The following CADM2 variants were observed in gnomAD, a reference collection of about 807,000 sequenced individuals.
CADM2 encodes cell adhesion molecule 2, also known as immunoglobulin superfamily member 4D.
In CADM2, 12 loss-of-function variants were observed where a neutral mutation model predicts 49.8. That is an observed-to-expected ratio of 0.24 (90% CI 0.15 to 0.39). The LOEUF (loss-of-function observed/expected upper bound fraction) is 0.39. Ranked by LOEUF, CADM2 falls within the 10% of genes least tolerant of loss-of-function variation. The pLI, the probability that CADM2 is intolerant of heterozygous loss-of-function variation, is 1.00. For synonymous variants in CADM2, 214 were observed against 175.4 expected (o/e 1.22, Z -1.74); for missense variants, 378 against 492.3 (o/e 0.77, Z 2.20).
chr3:85,993,241 G>A (rs1729000818), intron 8 of CADM2: 1 of 152,124 alleles, frequency 6.6e-6, no homozygotes, highest in Non-Finnish European at 1.5e-5. Context: ...TCTTCACCAG[G>A]AGTAGATTTC....
chr3:85,612,312 C>T (rs1368638950), intron 1 of CADM2, among the ~76,000 whole-genome samples: 1 of 151,854 alleles, frequency 6.6e-6, no homozygotes, highest in Non-Finnish European at 1.5e-5. Context: ...AATGTTCTTT[C>T]CACAGATTTC....
chr3:86,035,391 T>C (rs1408570837), intron 8 of CADM2, among the ~76,000 whole-genome samples: 2 of 152,080 alleles, frequency 1.3e-5, no homozygotes, highest in East Asian at 3.9e-4. Flanking sequence ...CTACTGCTTC[T>C]GTTCATCATC....
intron 1 of CADM2, among the ~76,000 whole-genome samples, chr3:85,044,225 A>T (rs550950343): frequency 2.3e-4 from 35 of 152,176 alleles, no homozygotes; most frequent in Non-Finnish European, 4.7e-4. Context: ...GGTGAGAAGA[A>T]GCATGTTTCC....
chr3:85,483,911 T>A (rs1312428436), intron 1 of CADM2, among the ~76,000 whole-genome samples: 1 of 151,768 alleles, frequency 6.6e-6, no homozygotes, highest in African/African-American at 2.4e-5. Flanking sequence ...CTCGAAGGCC[T>A]GTAATTTTCT....
chr3:85,349,524 A>C (rs1435504790), intron 1 of CADM2, among the ~76,000 whole-genome samples: 1 of 152,048 alleles, frequency 6.6e-6, no homozygotes, highest in East Asian at 1.9e-4. Flanking sequence ...TTTTACTTTC[A>C]TTTGGCATTA....
At chr3:86,022,641 T>C (rs769957033) in intron 8 of CADM2, among the ~76,000 whole-genome samples, 2 of 152,150 alleles carry the variant, frequency 1.3e-5, no homozygotes, top group Non-Finnish European at 2.9e-5. Flanking sequence ...CCTTTAAAAA[T>C]ATGCATAATA....
At chr3:85,610,020 A>G (rs1330002412) in intron 1 of CADM2, among the ~76,000 whole-genome samples, 1 of 152,006 alleles carries the variant, frequency 6.6e-6, no homozygotes, top group Admixed American at 6.6e-5. Context: ...TGACATGTTT[A>G]GTCCCCAAAT....
intron 1 of CADM2, among the ~76,000 whole-genome samples, chr3:85,322,432 T>G (rs1260472504): frequency 6.7e-6 from 1 of 150,066 alleles, no homozygotes; most frequent in Non-Finnish European, 1.5e-5. Flanking sequence ...TCACAGGCTG[T>G]AATGCTCCTC....
chr3:86,061,703 A>G (rs1738674283), intron 8 of CADM2, among the ~76,000 whole-genome samples: 1 of 152,184 alleles, frequency 6.6e-6, no homozygotes, highest in African/African-American at 2.4e-5. Flanking sequence ...ACCAAAAATG[A>G]AAAATAAAGA....
intron 5 of CADM2, among the ~76,000 whole-genome samples, chr3:85,906,145 G>A (rs2108462712): frequency 6.6e-6 from 1 of 152,122 alleles, no homozygotes; most frequent in East Asian, 1.9e-4. Flanking sequence ...ATAATTTTCT[G>A]CCATATGTTA....
chr3:85,448,831 A>G (rs1023627654), intron 1 of CADM2, among the ~76,000 whole-genome samples: 12 of 151,850 alleles, frequency 7.9e-5, no homozygotes, highest in African/African-American at 2.9e-4. Flanking sequence ...CTTGTGGATC[A>G]CGAGGTCAGG....
At chr3:85,773,321 AAGAGTAAGATGGGCAATGC>A (rs976952317) in intron 2 of CADM2, among the ~76,000 whole-genome samples, 5 of 151,952 alleles carry the variant, frequency 3.3e-5, no homozygotes, top group Non-Finnish European at 5.9e-5. Context: ...CACTTAATGG[AAGAGTAAGATGGGCAATGC>A]AGACCAGCTG....
At chr3:85,251,556 A>C (rs2107862008) in intron 1 of CADM2, among the ~76,000 whole-genome samples, 1 of 152,132 alleles carries the variant, frequency 6.6e-6, no homozygotes, top group South Asian at 2.1e-4. Flanking sequence ...TAACAAAATT[A>C]ATTGAAAAAA....
At chr3:85,790,688 G>GT (rs2071271188) in intron 2 of CADM2, among the ~76,000 whole-genome samples, 1 of 152,164 alleles carries the variant, frequency 6.6e-6, no homozygotes, top group Non-Finnish European at 1.5e-5. Context: ...CTACGGGATT[G>GT]TAAGGGCTGA....
chr3:85,732,078 TC>T (rs2067955845), intron 2 of CADM2, among the ~76,000 whole-genome samples: 1 of 131,644 alleles, frequency 7.6e-6, no homozygotes, highest in Admixed American at 8.0e-5. Context: ...TGAAAACCCA[TC>T]TCTACTAAGA....
At chr3:85,179,496 CT>C (rs574521209) in intron 1 of CADM2, among the ~76,000 whole-genome samples, 2,027 of 151,422 alleles carry the variant, frequency 0.013, 23 homozygotes, top group Non-Finnish European at 0.021. Context: ...GCAGGAAATC[CT>C]TTTTTTTAAT....
intron 5 of CADM2, among the ~76,000 whole-genome samples, chr3:85,891,020 C>T (rs1016492753): frequency 2.6e-5 from 4 of 151,884 alleles, no homozygotes; most frequent in African/African-American, 9.7e-5. Context: ...AATAGTGAGA[C>T]TTTTTTTTAA....
At chr3:85,712,200 G>A (rs753548555) in intron 1 of CADM2, among the ~76,000 whole-genome samples, 20 of 152,184 alleles carry the variant, frequency 1.3e-4, no homozygotes, top group Admixed American at 3.9e-4. Context: ...CTAATTTATT[G>A]CTTTGTATTC....
chr3:85,887,421 T>A (rs567077396), intron 5 of CADM2, among the ~76,000 whole-genome samples: 1 of 152,286 alleles, frequency 6.6e-6, no homozygotes, highest in East Asian at 1.9e-4. Flanking sequence ...ATACCTTATA[T>A]CACACTAATT....
Sources: allele counts gnomAD v4.1 joint callset (sites outside exome capture counted in the v4.1 genomes callset), GRCh38; gene constraint gnomAD v4.1.1; transcripts MANE v1.5; gene names NCBI Gene and HGNC (gene_info 2026-07-23, HGNC 2026-07-21).